Variants in ANAPC7 observed in about 807,000 individuals in gnomAD.
The protein encoded by ANAPC7 is anaphase-promoting complex subunit 7.
Under a neutral mutation model 63.3 loss-of-function variants are expected in ANAPC7, and 25 were observed. The observed-to-expected ratio is 0.39, with a 90% CI of 0.29 to 0.55. ANAPC7 has a LOEUF of 0.55. Among genes scored for constraint, ANAPC7 ranks in the 20% least tolerant of loss-of-function variants. ANAPC7 has a pLI of 0.57. For missense variants in ANAPC7, 516 were observed against 691.7 expected (o/e 0.75, Z 2.85); for synonymous variants, 241 against 251.7 (o/e 0.96, Z 0.40).
intron 5 of ANAPC7, chr12:110,387,345 GAGAGAGACAGAGAGAGAGAGAC>G (rs1882654471): frequency 9.1e-6 from 1 of 109,374 alleles, no homozygotes; most frequent in Non-Finnish European, 1.8e-5. Context: ...GGCAGAGAGA[GAGAGAGACAGAGAGAGAGAGAC>G]AGAGAGAGAG....
At chr12:110,382,764 A>C (rs901112659) in intron 7 of ANAPC7, 79 bp downstream of exon 7, 4 of 1,243,906 alleles carry the variant, frequency 3.2e-6, no homozygotes, top group East Asian at 4.8e-5. Flanking sequence ...CTGTGCTTTC[A>C]ATTTATATTC....
rs534056887 is a variant in ANAPC7, at chr12:110,401,676, A to C, written c.101+1851T>G. On this transcript the variant is annotated intron_variant, in intron 1 of 10. Coordinates refer to ENST00000455511, the MANE Select transcript of ANAPC7 (RefSeq NM_016238.3). ...GAGGCCGAGGCGGCGGGATCACCAG[A>C]GGTCAGGAGTTGAAGACCAGACTGG... is the stretch of plus-strand genomic sequence containing the variant. Among the ~76,000 whole-genome samples the C allele has an allele frequency of 5.3e-5, 8 of 152,140 alleles. No individual in the cohort carries two copies. The South Asian group carries it at 1.7e-3, about 32-fold the overall frequency.
chr12:110,379,959 A>T (rs759124363), intron 8 of ANAPC7, among the ~76,000 whole-genome samples: 1 of 152,212 alleles, frequency 6.6e-6, no homozygotes, highest in Non-Finnish European at 1.5e-5. Context: ...GGAGGTCACA[A>T]TGAACAGACC....
rs186758153 is a variant in ANAPC7, at chr12:110,380,925, G to A, written c.1132+827C>T. Among the ~76,000 whole-genome samples, 434 of 151,888 alleles carry A rather than the reference G, an allele frequency of 2.9e-3. 2 individuals are homozygous for A. Among genetic ancestry groups the A allele is most frequent in the Admixed American group, 7.3e-3 (111 of 15,218 alleles). On this transcript the variant is annotated intron_variant, in intron 8 of 10. Transcript: ENST00000455511. ...TGCACTCCAGCCTGGGCAACAAAGC[G>A]AGACTCTGTCTCAAAAAAAAGAGGA...
At chr12:110,394,299 TG>T (rs1883366844) in intron 3 of ANAPC7, among the ~76,000 whole-genome samples, 1 of 151,898 alleles carries the variant, frequency 6.6e-6, no homozygotes, top group African/African-American at 2.4e-5. Context: ...GAGACCAACC[TG>T]GGCAACACAG....
Position 110,395,038 on chromosome 12 carries a change from A to G in ANAPC7, c.408+63T>C, listed in dbSNP as rs559010349. 1.5e-5 allele frequency: 24 copies of G among 1,557,512 alleles called. No homozygotes were observed. The East Asian group carries it at 5.4e-4, about 35-fold the overall frequency. On this transcript the variant is annotated intron_variant, in intron 3 of 10. Coordinates refer to ENST00000455511, the MANE Select transcript of ANAPC7 (RefSeq NM_016238.3). The stretch of plus-strand genomic sequence containing the variant: ...CACGGACTCCTTAATGCATGAGAAA[A>G]CATGGAGAGAGGGAGCAGGGTTAGG...
In ANAPC7 at chr12:110,403,597, C is replaced by T; in HGVS notation, c.31G>A (p.Ala11Thr). MNVIDHVRDM[A>T]AAGLHSNVRL... is the part of the protein sequence containing the mutation. Reference sequence around the variant, plus strand: ...ACGTTGGAGTGCAGCCCCGCGGCCGCCATGTCCCGCACGTGGTCTATCACA... The same window carrying T: ...ACGTTGGAGTGCAGCCCCGCGGCCGTCATGTCCCGCACGTGGTCTATCACA... Residue 11 changes from alanine to threonine, a missense_variant, in exon 1 of 11, where the codon GCG becomes ACG. Physicochemically the swap from Ala to Thr is moderately conservative, Grantham distance 58. Transcript: ENST00000455511. 6.2e-7 allele frequency: 1 copy of T among 1,607,758 alleles called. No individual in the cohort carries two copies.
intron 6 of ANAPC7, among the ~76,000 whole-genome samples, chr12:110,384,675 C>CAA (rs112916395): frequency 2.0e-4 from 17 of 83,548 alleles, no homozygotes; most frequent in African/African-American, 6.5e-4. Context: ...CTCTGTCTCA[C>CAA]AAAAAAAAAA....
intron 1 of ANAPC7, among the ~76,000 whole-genome samples, chr12:110,399,430 G>C (rs1161296275): frequency 6.6e-6 from 1 of 150,982 alleles, no homozygotes; most frequent in East Asian, 1.9e-4. Context: ...CTTGAGCCTA[G>C]AGTCTGATCA....
intron 3 of ANAPC7, among the ~76,000 whole-genome samples, chr12:110,393,551 G>GA (rs1313578898): frequency 1.3e-5 from 2 of 151,630 alleles, no homozygotes; most frequent in Non-Finnish European, 2.9e-5. Context: ...AAATGGTGGA[G>GA]ACCATCTCTA....
In ANAPC7 at chr12:110,373,808, C is replaced by T. The variant is rs1345439223; in HGVS notation, c.*336G>A. 4.7e-6 allele frequency: 1 copy of T among 213,168 alleles called. No individual in the cohort carries two copies. The highest frequency in any genetic ancestry group is 9.2e-6 in the Non-Finnish European group (1 of 109,240). The allele number at this position is 213,168 out of a possible 1,614,324, so 13.2% of individuals were successfully genotyped here. A position where few individuals can be genotyped will look rare whatever the true frequency, so the allele number is the denominator to read the frequency against. ...GTAACTCCTTCAAACCAATCCATGT[C>T]ACAGAACACTGTCTATTCCTTGAGC... On this transcript the variant is annotated 3_prime_UTR_variant, in exon 11 of 11. Coordinates refer to ENST00000455511, the MANE Select transcript of ANAPC7 (RefSeq NM_016238.3).
At chr12:110,398,650 T>C (rs1192556534) in intron 1 of ANAPC7, among the ~76,000 whole-genome samples, 3 of 152,178 alleles carry the variant, frequency 2.0e-5, no homozygotes, top group Admixed American at 2.0e-4. Flanking sequence ...CTGTTTTTCT[T>C]TGACAAGTAA....
intron 8 of ANAPC7, chr12:110,378,464 G>T (rs1037895765): frequency 1.3e-5 from 2 of 152,232 alleles, no homozygotes; most frequent in African/African-American, 2.4e-5. Context: ...AACTTAGGGA[G>T]AAAGACTCTT....
chr12:110,403,629 C>A lies in ANAPC7; in HGVS notation c.-2G>T, dbSNP rs568252603. 25 of 1,600,280 alleles carry A rather than the reference C, an allele frequency of 1.6e-5. No homozygotes were observed. Among genetic ancestry groups the A allele is most frequent in the Admixed American group, 3.5e-5 (2 of 57,518 alleles). On this transcript the variant is annotated 5_prime_UTR_variant, in exon 1 of 11. In the 5' UTR this introduces an upstream ATG that the reference lacks. Transcript: ENST00000455511. ...CCGCACGTGGTCTATCACATTCATC[C>A]TGCTCTGCAAAGCCGCGGGCAGCGG...
intron 3 of ANAPC7, among the ~76,000 whole-genome samples, chr12:110,391,817 G>T (rs890666193): frequency 1.3e-5 from 2 of 152,118 alleles, no homozygotes; most frequent in Non-Finnish European, 2.9e-5. Context: ...CTTCTTGGCC[G>T]GGCGTGGTGG....
chr12:110,376,052 A>G lies in ANAPC7; in HGVS notation c.1508+14T>C, dbSNP rs1173371712. 13 of 1,603,934 alleles carry G rather than the reference A, an allele frequency of 8.1e-6. No individual in the cohort carries two copies. In the South Asian group the frequency reaches 1.0e-4, roughly 12 times the overall value. ...CTCCTCAGTGGCCTTCCCCCAAGGG[A>G]GGCTAGTGCCTACCTTAGTGCTATA... On this transcript the variant is annotated intron_variant, in intron 10 of 10. Transcript: ENST00000455511.
In ANAPC7 at chr12:110,386,408, G is replaced by C; in HGVS notation, c.736C>G (p.Leu246Val). ...TTATTGTCTCCAGCTCTGAAGTACA[G>C]ATCTGCCAAGCTTCCCAATAGGTCC... The part of the protein sequence containing the change: ...NVDLLGSLAD[L>V]YFRAGDNKNS... Residue 246 changes from leucine to valine, a missense_variant, in exon 6 of 11, where the codon CTG becomes GTG. Transcript: ENST00000455511. 6.2e-7 allele frequency: 1 copy of C among 1,614,054 alleles called. No individual in the cohort carries two copies. The highest frequency in any genetic ancestry group is 8.5e-7 in the Non-Finnish European group (1 of 1,179,982).
chr12:110,387,548 A>T, intron 5 of ANAPC7, 191 bp downstream of exon 5: 1 of 557,376 alleles, frequency 1.8e-6, no homozygotes, highest in Non-Finnish European at 3.0e-6. Flanking sequence ...TTCTATTTTT[A>T]CAGGTCTCCA....
intron 1 of ANAPC7, among the ~76,000 whole-genome samples, chr12:110,402,164 G>A (rs907565968): frequency 6.6e-6 from 1 of 151,098 alleles, no homozygotes; most frequent in African/African-American, 2.4e-5. Context: ...GACAGAGCGA[G>A]GCTGTCTCAA....
Sources: gnomAD v4.1 joint callset for allele counts (sites outside exome capture counted in the v4.1 genomes callset) on GRCh38, gnomAD v4.1.1 for gene constraint, MANE v1.5 for transcripts, NCBI Gene and HGNC (gene_info 2026-07-23, HGNC 2026-07-21) for gene names.